Variants in TG observed in about 807,000 individuals in gnomAD.
TG encodes thyroid hormones.
A neutral mutation model predicts 324.7 loss-of-function variants in TG; 270 were observed. The ratio of observed to expected loss-of-function variants is 0.83; its 90% confidence interval spans 0.75 to 0.92. The LOEUF is 0.92. Among genes scored for constraint, TG ranks in the 40% least tolerant of loss-of-function variants. The pLI, the probability that TG is intolerant of heterozygous loss-of-function variation, is 0.00. For missense variants in TG, 3,591 were observed against 3,456.4 expected (o/e 1.04, Z -0.98); for synonymous variants, 1,401 against 1,327.0 (o/e 1.06, Z -1.21).
At position 132,871,483 on chromosome 8, in the gene TG, A is replaced by G. The variant is rs1252171484; in HGVS notation, c.410A>G (p.Gln137Arg). 1.9e-6 allele frequency: 3 copies of G among 1,614,176 alleles called. No individual in the cohort carries two copies. The East Asian group carries it at 6.7e-5, about 36-fold the overall frequency. The change falls in exon 4 of 48, where the codon CAG becomes CGG. Residue 137 changes from glutamine (Q) to arginine (R), a missense_variant. Physicochemically the swap from Gln to Arg is conservative, Grantham distance 43. Coordinates refer to ENST00000220616, the MANE Select transcript of TG (RefSeq NM_003235.5). Reference sequence around the variant, plus strand: ...GTTCAGTGTGATGTGCAGCAGGTCCAGTGCTGGTGTGTGGACGCAGAGGGG... The same window carrying G: ...GTTCAGTGTGATGTGCAGCAGGTCCGGTGCTGGTGTGTGGACGCAGAGGGG... ...APVQCDVQQVQCWCVDAEGME... is the reference protein window; with the variant it reads ...APVQCDVQQVRCWCVDAEGME...
chr8:133,001,143 G>A (rs1400509471), intron 35 of TG, among the ~76,000 whole-genome samples: 6 of 152,112 alleles, frequency 3.9e-5, no homozygotes, highest in Non-Finnish European at 5.9e-5. Context: ...TCATTTTAAC[G>A]TGATTATGTC....
At chr8:133,094,033 A>T (rs1848014212) in intron 41 of TG, among the ~76,000 whole-genome samples, 1 of 152,060 alleles carries the variant, frequency 6.6e-6, no homozygotes, top group Non-Finnish European at 1.5e-5. Flanking sequence ...CTGGTTACCC[A>T]TGACTCTTCA....
chr8:133,115,256 A>C (rs1056708779), intron 44 of TG, among the ~76,000 whole-genome samples: 2 of 152,142 alleles, frequency 1.3e-5, no homozygotes, highest in African/African-American at 4.8e-5. Context: ...CTCCAGCTCA[A>C]CCTTAGCTCA....
At chr8:133,013,491 A>G in intron 36 of TG, 109 bp from the exon 37 acceptor site, 4 of 1,345,008 alleles carry the variant, frequency 3.0e-6, no homozygotes, top group Admixed American at 1.7e-5. Flanking sequence ...AGAAGGATGG[A>G]TGGATGGAAG....
In TG at chr8:133,028,473, C is replaced by G. The variant is rs182045924; in HGVS notation, c.7037-1348C>G. ...CAGGCAGGCTGCAGACAAGAACACT[C>G]TGCTAAGAGCATCAGCAACATAATG... On this transcript the variant is annotated intron_variant, in intron 40 of 47. Transcript: ENST00000220616. Among the ~76,000 whole-genome samples the G allele has an allele frequency of 1.6e-3, 249 of 152,352 alleles. 1 individual carries two copies. Among genetic ancestry groups the G allele is most frequent in the African/African-American group, 5.7e-3 (238 of 41,576 alleles).
chr8:133,050,298 G>A (rs928683469), intron 41 of TG: 5 of 407,906 alleles, frequency 1.2e-5, no homozygotes, highest in African/African-American at 1.0e-4. Flanking sequence ...TGTTTACTAT[G>A]TTGATTTATG....
At chr8:132,868,836 A>G (rs767664071) in intron 2 of TG, among the ~76,000 whole-genome samples, 8 of 152,230 alleles carry the variant, frequency 5.3e-5, no homozygotes, top group Non-Finnish European at 8.8e-5. Context: ...TCCCTGCAGA[A>G]TAGACAGGAA....
chr8:133,093,464 T>C (rs148651186), intron 41 of TG, among the ~76,000 whole-genome samples: 167 of 152,306 alleles, frequency 1.1e-3, no homozygotes, highest in African/African-American at 3.9e-3. Context: ...GGAGTTTGTC[T>C]AAGCGGTTAA....
rs140241295 is a variant in TG at position 132,991,683 on chromosome 8, G to T, written c.6262+8271G>T. ...CACACCCTGTTTCCTCACTTTGGTT[G>T]AGAGTGCCAAATGAATCATGTTGTT... On this transcript the variant is annotated intron_variant, in intron 35 of 47. Coordinates refer to ENST00000220616, the MANE Select transcript of TG (RefSeq NM_003235.5). 5.2e-3 allele frequency among the ~76,000 whole-genome samples: 786 copies of T among 152,222 alleles called. 7 individuals are homozygous for T. The highest frequency in any genetic ancestry group is 0.018 in the African/African-American group (736 of 41,548).
At chr8:132,932,607 A>T (rs1822882620) in intron 23 of TG, among the ~76,000 whole-genome samples, 1 of 152,208 alleles carries the variant, frequency 6.6e-6, no homozygotes, top group Admixed American at 6.5e-5. Flanking sequence ...TTTTCTACCA[A>T]AACCTCCTAT....
At chr8:132,986,398 ATATATGTATGTG>A (rs1170311910) in intron 35 of TG, among the ~76,000 whole-genome samples, 3 of 107,678 alleles carry the variant, frequency 2.8e-5, no homozygotes, top group Non-Finnish European at 5.9e-5. Flanking sequence ...ATATGTGTAT[ATATATGTATGTG>A]TATATATATA....
At chr8:132,934,478 G>C (rs1355024222) in intron 24 of TG, among the ~76,000 whole-genome samples, 1 of 152,196 alleles carries the variant, frequency 6.6e-6, no homozygotes, top group East Asian at 1.9e-4. Flanking sequence ...AGGATAATTA[G>C]ACCCTGTCCT....
At chr8:132,925,803 C>A (rs111824503) in intron 22 of TG, among the ~76,000 whole-genome samples, 1 of 152,066 alleles carries the variant, frequency 6.6e-6, no homozygotes, top group Non-Finnish European at 1.5e-5. Flanking sequence ...AATGGGTTGG[C>A]CTTGAGGATT....
chr8:133,042,747 A>G (rs1838542457), intron 41 of TG, among the ~76,000 whole-genome samples: 1 of 125,760 alleles, frequency 8.0e-6, no homozygotes, highest in Non-Finnish European at 1.6e-5. Flanking sequence ...AAGCTGGAGT[A>G]CAGCAGCACT....
chr8:133,077,154 C>A (rs532108176), intron 41 of TG, among the ~76,000 whole-genome samples: 10 of 152,230 alleles, frequency 6.6e-5, no homozygotes, highest in Admixed American at 5.2e-4. Flanking sequence ...CAAGCCAGGG[C>A]ATGAGAGGTG....
At chr8:132,989,039 G>A (rs1427956479) in intron 35 of TG, 6 of 309,444 alleles carry the variant, frequency 1.9e-5, no homozygotes, top group Non-Finnish European at 2.4e-5. Flanking sequence ...GGAGGAACAA[G>A]TCACATCTTA....
chr8:132,867,963 GT>G (rs1839121364), intron 1 of TG, 151 bp from the exon 2 acceptor site: 1 of 693,896 alleles, frequency 1.4e-6, no homozygotes, highest in East Asian at 2.7e-5. Context: ...TGTCATACTT[GT>G]AAGAAAGTGT....
intron 18 of TG, among the ~76,000 whole-genome samples, chr8:132,908,849 G>T (rs1030159548): frequency 1.3e-5 from 2 of 152,168 alleles, no homozygotes; most frequent in Non-Finnish European, 2.9e-5. Flanking sequence ...TCCAAGAGGT[G>T]CTACTGAAAG....
At chr8:133,023,545 CGT>C (rs1835743718) in intron 40 of TG, among the ~76,000 whole-genome samples, 1 of 152,074 alleles carries the variant, frequency 6.6e-6, no homozygotes, top group African/African-American at 2.4e-5. Flanking sequence ...GAATTATTCA[CGT>C]GTGAGTTTAT....
Sources: allele counts gnomAD v4.1 joint callset (sites outside exome capture counted in the v4.1 genomes callset), GRCh38; gene constraint gnomAD v4.1.1; transcripts MANE v1.5; gene names NCBI Gene and HGNC (gene_info 2026-07-23, HGNC 2026-07-21).